TRPM3: variants seen among roughly 807,000 people sequenced by gnomAD.
TRPM3 encodes the protein transient receptor potential cation channel subfamily M member 3.
A neutral mutation model predicts 181.2 loss-of-function variants in TRPM3; 77 were observed. The ratio of observed to expected loss-of-function variants is 0.42; its 90% CI spans 0.35 to 0.51. The LOEUF is 0.51. Among genes scored for constraint, TRPM3 ranks in the 20% least tolerant of loss-of-function variants. TRPM3 has a pLI of 0.01. For synonymous variants in TRPM3, 745 were observed against 796.4 expected (o/e 0.94, Z 1.09); for missense variants, 1,759 against 2,196.7 (o/e 0.80, Z 3.98).
At chr9:71,186,932 A>G (rs2077716036) in intron 1 of TRPM3, among the ~76,000 whole-genome samples, 1 of 152,056 alleles carries the variant, frequency 6.6e-6, no homozygotes, top group Non-Finnish European at 1.5e-5. Context: ...TATTTTCCCT[A>G]ATAATTAAAA....
At chr9:71,307,410 T>C (rs2087455425) in intron 1 of TRPM3, among the ~76,000 whole-genome samples, 1 of 152,126 alleles carries the variant, frequency 6.6e-6, no homozygotes, top group Non-Finnish European at 1.5e-5. Flanking sequence ...TGATAAGTAT[T>C]CAATTTTCTT....
chr9:71,327,044 C>T (rs1487809206), intron 1 of TRPM3, among the ~76,000 whole-genome samples: 1 of 152,210 alleles, frequency 6.6e-6, no homozygotes, highest in Admixed American at 6.5e-5. Flanking sequence ...AGCCTCTACT[C>T]TTACAGAAAA....
chr9:70,947,355 GGT>G (rs2096944784), intron 1 of TRPM3, among the ~76,000 whole-genome samples: 1 of 152,130 alleles, frequency 6.6e-6, no homozygotes, highest in Non-Finnish European at 1.5e-5. Flanking sequence ...GGTTTTTCTA[GGT>G]CAAAGCCTGT....
At chr9:70,935,917 G>A (rs530895348) in intron 1 of TRPM3, among the ~76,000 whole-genome samples, 1 of 152,312 alleles carries the variant, frequency 6.6e-6, no homozygotes, top group Non-Finnish European at 1.5e-5. Context: ...AGGAAAAGGA[G>A]TAGTGGTGGT....
intron 1 of TRPM3, among the ~76,000 whole-genome samples, chr9:71,226,754 T>C (rs1450814568): frequency 6.6e-6 from 1 of 152,036 alleles, no homozygotes; most frequent in East Asian, 1.9e-4. Flanking sequence ...TTATTAGAGC[T>C]AGATAGAGAG....
chr9:70,576,267 C>A (rs1254716248), intron 22 of TRPM3, among the ~76,000 whole-genome samples: 1 of 152,180 alleles, frequency 6.6e-6, no homozygotes, highest in Non-Finnish European at 1.5e-5. Context: ...TCCTGATTTC[C>A]TAATTCTGGA....
intron 1 of TRPM3, among the ~76,000 whole-genome samples, chr9:71,351,199 T>C (rs999830970): frequency 5.9e-5 from 9 of 152,248 alleles, no homozygotes; most frequent in African/African-American, 1.9e-4. Context: ...ACTAGAGCTA[T>C]AAAGTATTGG....
intron 1 of TRPM3, among the ~76,000 whole-genome samples, chr9:71,201,538 C>G (rs2078794241): frequency 6.6e-6 from 1 of 152,218 alleles, no homozygotes. Context: ...GGTCTTTTCA[C>G]ATAGTCCCAT....
chr9:71,071,969 G>A (rs2062827597), intron 1 of TRPM3, among the ~76,000 whole-genome samples: 1 of 152,138 alleles, frequency 6.6e-6, no homozygotes, highest in Non-Finnish European at 1.5e-5. Flanking sequence ...AAAGAAATGG[G>A]TAAGAGGAAC....
chr9:70,864,964 AT>A (rs1677842975), intron 1 of TRPM3, among the ~76,000 whole-genome samples: 1 of 148,362 alleles, frequency 6.7e-6, no homozygotes, highest in African/African-American at 2.5e-5. Flanking sequence ...GGAAAGAAAA[AT>A]GGCAAGAGAA....
rs1223469565 is a variant in TRPM3, at chr9:71,060,445, T to C, written c.177+60733A>G. ...AAATGTATAACATGCTAAGGAAAAA[T>C]ATGATTCTTGGAAGTTCAGTAACAT... On this transcript the variant is annotated intron_variant, in intron 1 of 25. Transcript: ENST00000677713. Among the ~76,000 whole-genome samples, 3 of 152,070 alleles carry C rather than the reference T, an allele frequency of 2.0e-5. No individual in the cohort carries two copies. The East Asian group carries it at 5.8e-4, about 29-fold the overall frequency.
intron 1 of TRPM3, among the ~76,000 whole-genome samples, chr9:71,087,375 T>C (rs1207223441): frequency 6.6e-6 from 1 of 152,098 alleles, no homozygotes; most frequent in Non-Finnish European, 1.5e-5. Context: ...TCTTTTCATA[T>C]CCCACCAATA....
intron 1 of TRPM3, among the ~76,000 whole-genome samples, chr9:70,993,742 G>A (rs1254635343): frequency 4.3e-5 from 6 of 139,200 alleles, no homozygotes; most frequent in African/African-American, 1.4e-4. Flanking sequence ...CTGAGATTGC[G>A]CGACTGCACT....
At chr9:71,246,276 T>C (rs998761833) in intron 1 of TRPM3, among the ~76,000 whole-genome samples, 3 of 152,228 alleles carry the variant, frequency 2.0e-5, no homozygotes, top group Admixed American at 1.3e-4. Context: ...TTTCAAATCA[T>C]TTGTACTTTA....
At chr9:70,908,833 C>T (rs973254936) in intron 1 of TRPM3, among the ~76,000 whole-genome samples, 3 of 152,090 alleles carry the variant, frequency 2.0e-5, no homozygotes, top group Non-Finnish European at 2.9e-5. Context: ...ATGCATATAT[C>T]GATACTTGAT....
At chr9:71,276,051 C>T (rs2084186420) in intron 1 of TRPM3, among the ~76,000 whole-genome samples, 1 of 152,064 alleles carries the variant, frequency 6.6e-6, no homozygotes, top group African/African-American at 2.4e-5. Context: ...CTGTGTTAGC[C>T]AGGATGGTCT....
rs547469086 is a variant in TRPM3 at position 71,103,771 on chromosome 9, T to C, written c.177+17407A>G. On this transcript the variant is annotated intron_variant, in intron 1 of 25. Transcript: ENST00000677713. Reference sequence around the variant, plus strand: ...AGCATGCAGTATGGCATCTCACGCATAGCACGTACCTGGAACATTTTTTTG... The same window carrying C: ...AGCATGCAGTATGGCATCTCACGCACAGCACGTACCTGGAACATTTTTTTG... 8.5e-4 allele frequency among the ~76,000 whole-genome samples: 130 copies of C among 152,332 alleles called. 1 individual carries two copies. Among genetic ancestry groups the C allele is most frequent in the African/African-American group, 2.8e-3 (118 of 41,582 alleles).
intron 1 of TRPM3, among the ~76,000 whole-genome samples, chr9:71,380,799 C>T (rs2092781920): frequency 6.6e-6 from 1 of 152,098 alleles, no homozygotes; most frequent in African/African-American, 2.4e-5. Context: ...AGGGACATGG[C>T]AATACCCTGA....
intron 1 of TRPM3, among the ~76,000 whole-genome samples, chr9:71,403,692 G>A (rs1378327729): frequency 2.6e-5 from 4 of 152,154 alleles, no homozygotes; most frequent in African/African-American, 7.2e-5. Flanking sequence ...AATAAATGAC[G>A]GAGGGGGCGA....
Sources: gnomAD v4.1 joint callset for allele counts (sites outside exome capture counted in the v4.1 genomes callset) on GRCh38, gnomAD v4.1.1 for gene constraint, MANE v1.5 for transcripts, NCBI Gene and HGNC (gene_info 2026-07-23, HGNC 2026-07-21) for gene names.